Variants in SPTBN1 observed in about 807,000 individuals in gnomAD.
The protein encoded by SPTBN1 is spectrin beta chain, non-erythrocytic 1.
Under a neutral mutation model 266.4 loss-of-function variants are expected in SPTBN1, and 32 were observed. The observed-to-expected ratio is 0.12, with a 90% CI of 0.09 to 0.16. The LOEUF is 0.16. Ranked by LOEUF, SPTBN1 falls within the 10% of genes least tolerant of loss-of-function variation. SPTBN1 has a pLI of 1.00. For missense variants in SPTBN1, 2,296 were observed against 3,067.1 expected (o/e 0.75, Z 5.94); for synonymous variants, 1,336 against 1,162.2 (o/e 1.15, Z -3.04).
intron 1 of SPTBN1, among the ~76,000 whole-genome samples, chr2:54,487,946 C>T (rs1416076212): frequency 1.3e-5 from 2 of 148,254 alleles, no homozygotes; most frequent in Non-Finnish European, 3.0e-5. Flanking sequence ...TCTCCTGCCT[C>T]AGCCTCCCAA....
chr2:54,628,841 A>T lies in SPTBN1; in HGVS notation c.1799-92A>T. On this transcript the variant is annotated intron_variant, in intron 13 of 35. Transcript: ENST00000356805. This position sits in a 1 kb window ranked among gnomAD's most constrained non-coding sequence, Gnocchi z 4.3. ...ATTTAGCAGTGAGCTGGTAATCATA[A>T]GAATATGGGGTGTAGCTTACTGCCT... 6.8e-7 allele frequency: 1 copy of T among 1,467,692 alleles called. No homozygotes were observed. The highest frequency in any genetic ancestry group is 1.4e-5 in the South Asian group (1 of 72,892). The allele number at this position is 1,467,692 out of a possible 1,614,324, so 90.9% of individuals were successfully genotyped here. A position where few individuals can be genotyped will look rare whatever the true frequency, so the allele number is the denominator to read the frequency against.
chr2:54,645,234 G>A lies in SPTBN1; in HGVS notation c.4275G>A (p.Leu1425=). 6.2e-7 allele frequency: 1 copy of A among 1,614,130 alleles called. No individual in the cohort carries two copies. The change falls in exon 21 of 36, where the codon CTG becomes CTA. Residue 1425 remains leucine (L), a synonymous_variant. Coordinates refer to ENST00000356805, the MANE Select transcript of SPTBN1 (RefSeq NM_003128.3). This position sits in a 1 kb window ranked among gnomAD's most constrained non-coding sequence, Gnocchi z 4.3. Reference sequence around the variant, plus strand: ...GGCTGCTTCTCTGCCCTCAGATGCTGGAGAATCAGATGGAAGTGCGGAAGA... The same window carrying A: ...GGCTGCTTCTCTGCCCTCAGATGCTAGAGAATCAGATGGAAGTGCGGAAGA... ...VNILLKKQQM[L]ENQMEVRKKE... is the part of the protein sequence containing the mutation.
intron 1 of SPTBN1, among the ~76,000 whole-genome samples, chr2:54,479,071 T>G (rs1417810096): frequency 1.3e-5 from 2 of 152,166 alleles, no homozygotes; most frequent in African/African-American, 2.4e-5. Context: ...AAGTAAAGGT[T>G]GTTTTAAAAT....
At chr2:54,639,345 C>A (rs1488690591) in intron 18 of SPTBN1, among the ~76,000 whole-genome samples, 1 of 152,212 alleles carries the variant, frequency 6.6e-6, no homozygotes, top group Non-Finnish European at 1.5e-5. Context: ...GTCCCTGTTT[C>A]ACCTTGAGAA....
chr2:54,612,461 A>G, intron 4 of SPTBN1, 127 bp downstream of exon 4: 7 of 1,091,620 alleles, frequency 6.4e-6, no homozygotes, highest in Non-Finnish European at 8.9e-6. Flanking sequence ...TCTCAGAGTC[A>G]TGTGTGTCAT....
intron 1 of SPTBN1, among the ~76,000 whole-genome samples, chr2:54,513,623 G>T (rs6709549): frequency 0.037 from 5,605 of 152,246 alleles, 386 homozygotes; most frequent in African/African-American, 0.13. Context: ...ATTGTTATTT[G>T]TGGTGGCTAG....
chr2:54,569,960 A>G (rs1419527493), intron 2 of SPTBN1, among the ~76,000 whole-genome samples: 4 of 147,654 alleles, frequency 2.7e-5, no homozygotes, highest in Non-Finnish European at 4.5e-5. Flanking sequence ...AATGCACCCA[A>G]CTGAAACCAT....
At chr2:54,656,300 C>A (rs1680653727) in intron 29 of SPTBN1, among the ~76,000 whole-genome samples, 2 of 152,160 alleles carry the variant, frequency 1.3e-5, no homozygotes, top group Admixed American at 1.3e-4. Context: ...CATTTGTCTT[C>A]AAGAATTCTT....
intron 2 of SPTBN1, among the ~76,000 whole-genome samples, chr2:54,579,182 C>T (rs1004199025): frequency 6.6e-6 from 1 of 152,012 alleles, no homozygotes; most frequent in Non-Finnish European, 1.5e-5. Context: ...AGCTCATGAC[C>T]TCTTTTACCT....
At chr2:54,501,700 C>T (rs1043334859) in intron 1 of SPTBN1, among the ~76,000 whole-genome samples, 6 of 152,120 alleles carry the variant, frequency 3.9e-5, no homozygotes, top group Admixed American at 1.3e-4. Flanking sequence ...CTTGACATGG[C>T]GGGTCAGGTT....
At chr2:54,577,506 A>G (rs990868582) in intron 2 of SPTBN1, among the ~76,000 whole-genome samples, 13 of 152,342 alleles carry the variant, frequency 8.5e-5, no homozygotes, top group African/African-American at 3.1e-4. Context: ...GTAGGTCCCT[A>G]CCTAAAGTCT....
chr2:54,551,572 C>A (rs1219213312), intron 2 of SPTBN1, among the ~76,000 whole-genome samples: 2 of 152,188 alleles, frequency 1.3e-5, no homozygotes, highest in Non-Finnish European at 2.9e-5. Context: ...GTGTAACTTG[C>A]CGTTTTTCTC....
At chr2:54,479,582 T>G (rs1056517169) in intron 1 of SPTBN1, among the ~76,000 whole-genome samples, 3 of 152,212 alleles carry the variant, frequency 2.0e-5, no homozygotes, top group African/African-American at 7.2e-5. Flanking sequence ...TAGGAAGGTC[T>G]GAGGCAAACC....
chr2:54,459,467 A>G (rs146999476), intron 1 of SPTBN1, among the ~76,000 whole-genome samples: 56 of 152,358 alleles, frequency 3.7e-4, no homozygotes, highest in Admixed American at 1.0e-3. Flanking sequence ...ATGTGGAAGT[A>G]CTATTTTGAC....
chr2:54,579,931 C>A (rs774495495), intron 2 of SPTBN1, among the ~76,000 whole-genome samples: 1 of 152,224 alleles, frequency 6.6e-6, no homozygotes, highest in Non-Finnish European at 1.5e-5. Flanking sequence ...ATGGGTGTTT[C>A]TTCTCTCCTT....
chr2:54,607,626 A>T (rs1416791224), intron 3 of SPTBN1, among the ~76,000 whole-genome samples: 1 of 152,170 alleles, frequency 6.6e-6, no homozygotes, highest in Non-Finnish European at 1.5e-5. Context: ...CAAAAAAAAA[A>T]TTAATAAATT....
intron 1 of SPTBN1, among the ~76,000 whole-genome samples, chr2:54,522,701 A>AGAGAGAGAGAGAGAG (rs1558802720): frequency 5.7e-5 from 4 of 70,192 alleles, no homozygotes; most frequent in Admixed American, 1.5e-4. Flanking sequence ...GAGAGAGAGA[A>AGAGAGAGAGAGAGAG]AGAAAGAAAG....
At chr2:54,622,511 T>C (rs543741552) in intron 9 of SPTBN1, 24 bp downstream of exon 9, 9 of 1,607,756 alleles carry the variant, frequency 5.6e-6, no homozygotes, top group African/African-American at 5.3e-5. Flanking sequence ...TGTAGTGTGA[T>C]CATTAATATG....
intron 1 of SPTBN1, among the ~76,000 whole-genome samples, chr2:54,493,006 T>A (rs1365732174): frequency 1.4e-5 from 2 of 146,700 alleles, no homozygotes; most frequent in Admixed American, 1.3e-4. Context: ...CATATCTTTT[T>A]TTTTTTTTTT....
Sources: allele counts gnomAD v4.1 joint callset (sites outside exome capture counted in the v4.1 genomes callset), GRCh38; gene constraint gnomAD v4.1.1; non-coding constraint Gnocchi (gnomAD v3.1); transcripts MANE v1.5; gene names NCBI Gene and HGNC (gene_info 2026-07-23, HGNC 2026-07-21).